MOB1B: variants seen among roughly 807,000 people sequenced by gnomAD.
MOB1B encodes the protein MOB1 Mps One Binder homolog B.
Under a neutral mutation model 24.4 loss-of-function variants are expected in MOB1B, and 19 were observed. That is an observed-to-expected ratio of 0.78 (90% CI 0.54 to 1.14). MOB1B has a LOEUF of 1.14. Among genes scored for constraint, MOB1B ranks in the 50% most tolerant of loss-of-function variants. MOB1B has a pLI of 0.00. For synonymous variants in MOB1B, 76 were observed against 82.1 expected, an observed-to-expected ratio of 0.93 and a Z score of 0.40; for missense variants, 243 against 259.6, an observed-to-expected ratio of 0.94 and a Z score of 0.44.
intron 1 of MOB1B, among the ~76,000 whole-genome samples, chr4:70,923,940 C>CAA (rs34422316): frequency 0.013 from 714 of 54,204 alleles, 12 homozygotes; most frequent in African/African-American, 0.033. Context: ...GAGTGAGACT[C>CAA]AAAAAAAAAA....
chr4:70,902,545 C>G lies in MOB1B; in HGVS notation c.9C>G (p.Phe3Leu), dbSNP rs1314098870. MSFLFGSRSSKTF... is the reference protein window; with the variant it reads MSLLFGSRSSKTF... ...CCTGCCCCGCGGCCAACATGAGCTT[C>G]TTGTTGTGAGTAGCCAGGCCCCGCA... is the stretch of plus-strand genomic sequence containing the variant. Residue 3 changes from phenylalanine (F) to leucine (L), a missense_variant, in exon 1 of 6, where the codon TTC (phenylalanine) becomes TTG (leucine). Physicochemically the swap from Phe to Leu is conservative, Grantham distance 22. Transcript: ENST00000309395. The G allele has an allele frequency of 1.3e-6, 2 of 1,564,326 alleles. No homozygotes were observed. Among genetic ancestry groups the G allele is most frequent in the Non-Finnish European group, 1.7e-6 (2 of 1,155,662 alleles).
intron 4 of MOB1B, among the ~76,000 whole-genome samples, chr4:70,977,107 A>G (rs1384659197): frequency 6.6e-6 from 1 of 152,166 alleles, no homozygotes; most frequent in African/African-American, 2.4e-5. Context: ...CAGTACAGAT[A>G]TCAAACTTAG....
intron 1 of MOB1B, among the ~76,000 whole-genome samples, chr4:70,927,501 C>G (rs1736701403): frequency 6.6e-6 from 1 of 152,040 alleles, no homozygotes; most frequent in East Asian, 1.9e-4. Context: ...GATCATGCCA[C>G]TGTACCCCAG....
chr4:70,920,426 T>C (rs28812809), intron 1 of MOB1B, among the ~76,000 whole-genome samples: 3,844 of 152,328 alleles, frequency 0.025, 152 homozygotes, highest in African/African-American at 0.086. Flanking sequence ...GGTTTTACCA[T>C]GTTGGCCAGG....
intron 1 of MOB1B, chr4:70,942,960 T>C (rs1318833032): frequency 7.3e-6 from 2 of 272,528 alleles, no homozygotes; most frequent in Non-Finnish European, 1.1e-5. Context: ...CTCAGAAATA[T>C]ATCTCAGTGG....
At chr4:70,924,972 AC>A (rs1736591290) in intron 1 of MOB1B, among the ~76,000 whole-genome samples, 1 of 152,230 alleles carries the variant, frequency 6.6e-6, no homozygotes, top group Non-Finnish European at 1.5e-5. Flanking sequence ...ATACAAAAAA[AC>A]TACAATTTTA....
intron 1 of MOB1B, among the ~76,000 whole-genome samples, chr4:70,944,778 A>AGG (rs1209344075): frequency 6.6e-6 from 1 of 152,056 alleles, no homozygotes; most frequent in Admixed American, 6.6e-5. Context: ...AGAGAGAGAA[A>AGG]GGGGGAGAGT....
intron 1 of MOB1B, among the ~76,000 whole-genome samples, chr4:70,938,334 CAAAA>C (rs71211984): frequency 4.0e-3 from 25 of 6,282 alleles, no homozygotes; most frequent in African/African-American, 0.011. Context: ...CCCCCCCCCC[CAAAA>C]AAAAAAAAAA....
At chr4:70,968,150 T>C (rs1271762334) in intron 2 of MOB1B, among the ~76,000 whole-genome samples, 1 of 152,200 alleles carries the variant, frequency 6.6e-6, no homozygotes, top group Non-Finnish European at 1.5e-5. Context: ...TTGCCCGGCC[T>C]ATGCTCTTTT....
intron 1 of MOB1B, among the ~76,000 whole-genome samples, chr4:70,943,420 T>G (rs1410045874): frequency 6.6e-6 from 1 of 152,198 alleles, no homozygotes; most frequent in Non-Finnish European, 1.5e-5. Context: ...CAAGATTAGC[T>G]CACATCATTT....
At chr4:70,906,153 G>A (rs1051377219) in intron 1 of MOB1B, among the ~76,000 whole-genome samples, 1 of 152,096 alleles carries the variant, frequency 6.6e-6, no homozygotes, top group Non-Finnish European at 1.5e-5. Flanking sequence ...CGAGGTGGGT[G>A]GATCACTTGA....
chr4:70,984,547 T>C lies in MOB1B; in HGVS notation c.*2490T>C, dbSNP rs924366530. On this transcript the variant is annotated 3_prime_UTR_variant, in exon 6 of 6. Coordinates refer to ENST00000309395, the MANE Select transcript of MOB1B (RefSeq NM_173468.4). Reference sequence around the variant, plus strand: ...CCAAGATAATTATTTTCCCCCTTGCTCTCTATATTAATACGTAGCTATAAA... The same window carrying C: ...CCAAGATAATTATTTTCCCCCTTGCCCTCTATATTAATACGTAGCTATAAA... 2.6e-5 allele frequency: 4 copies of C among 152,236 alleles called. No individual in the cohort carries two copies. The highest frequency in any genetic ancestry group is 5.9e-5 in the Non-Finnish European group (4 of 68,020). The allele number at this position is 152,236 out of a possible 1,614,324, so 9.4% of individuals were successfully genotyped here.
At chr4:70,955,463 CCT>C (rs1738000681) in intron 1 of MOB1B, among the ~76,000 whole-genome samples, 3 of 131,972 alleles carry the variant, frequency 2.3e-5, no homozygotes, top group African/African-American at 8.7e-5. Flanking sequence ...AAGTATGTGT[CCT>C]TTTTTTTTTT....
At chr4:70,967,965 A>G (rs1476887430) in intron 2 of MOB1B, among the ~76,000 whole-genome samples, 3 of 152,138 alleles carry the variant, frequency 2.0e-5, no homozygotes, top group Admixed American at 6.5e-5. Flanking sequence ...AGAGTGTTCC[A>G]GAGTGCTGGG....
chr4:70,962,343 A>G (rs1209036593), intron 2 of MOB1B, among the ~76,000 whole-genome samples: 2 of 152,244 alleles, frequency 1.3e-5, no homozygotes, highest in Non-Finnish European at 2.9e-5. Flanking sequence ...TATGTTCAAA[A>G]TGGAACACAG....
At chr4:70,945,504 T>G (rs961950243) in intron 1 of MOB1B, among the ~76,000 whole-genome samples, 2 of 152,258 alleles carry the variant, frequency 1.3e-5, no homozygotes, top group Non-Finnish European at 2.9e-5. Flanking sequence ...TACTCTGTAC[T>G]ATGCTACTTG....
At position 70,963,431 on chromosome 4, in the gene MOB1B, AATAG is replaced by A. The variant is rs768746561; in HGVS notation, c.181+4396_181+4399del. Among the ~76,000 whole-genome samples, 16 of 152,326 alleles carry A rather than the reference AATAG, an allele frequency of 1.1e-4. No homozygotes were observed. The South Asian group carries it at 2.1e-3, about 20-fold the overall frequency. On this transcript the variant is annotated intron_variant, in intron 2 of 5. Coordinates refer to ENST00000309395, the MANE Select transcript of MOB1B (RefSeq NM_173468.4). ...GAAGAATCATACAATGAGTAGGATA[AATAG>A]ATAGCAAATAGTAGGATATTAATAG...
At chr4:70,934,062 C>T (rs554287995) in intron 1 of MOB1B, among the ~76,000 whole-genome samples, 1 of 152,178 alleles carries the variant, frequency 6.6e-6, no homozygotes, top group South Asian at 2.1e-4. Flanking sequence ...CACATACATA[C>T]TTCTCATTCT....
At chr4:70,906,822 C>T (rs1389324187) in intron 1 of MOB1B, among the ~76,000 whole-genome samples, 1 of 152,170 alleles carries the variant, frequency 6.6e-6, no homozygotes, top group East Asian at 1.9e-4. Context: ...GGACTCAAAT[C>T]TTTTAAACAC....
Sources: gnomAD v4.1 joint callset for allele counts (sites outside exome capture counted in the v4.1 genomes callset) on GRCh38, gnomAD v4.1.1 for gene constraint, MANE v1.5 for transcripts, NCBI Gene and HGNC (gene_info 2026-07-23, HGNC 2026-07-21) for gene names.